The following PRR16 variants were observed in gnomAD, a reference collection of about 807,000 sequenced individuals.
The protein encoded by PRR16 is proline rich 16.
In PRR16, 6 loss-of-function variants were observed where a neutral mutation model predicts 18.2. That is an observed-to-expected ratio of 0.33 (90% CI 0.18 to 0.65). PRR16 has a LOEUF of 0.65. Among genes scored for constraint, PRR16 ranks in the 30% least tolerant of loss-of-function variants. PRR16 has a pLI of 0.74. For missense variants in PRR16, 412 were observed against 376.6 expected (o/e 1.09, Z -0.78); for synonymous variants, 151 against 147.8 (o/e 1.02, Z -0.16).
chr5:120,579,221 A>G (rs1753180393), intron 1 of PRR16, among the ~76,000 whole-genome samples: 6 of 152,078 alleles, frequency 3.9e-5, no homozygotes, highest in Admixed American at 3.9e-4. Context: ...CTCTGATGAT[A>G]GTTTCTTTTG....
At chr5:120,744,995 A>C in the PRR16 span, among the ~76,000 whole-genome samples, 1 of 152,164 alleles carries the variant, frequency 6.6e-6, no homozygotes, top group African/African-American at 2.4e-5. Context: ...AACACCTATG[A>C]ATTTGGTGCA....
chr5:120,698,585 G>A, the PRR16 span, among the ~76,000 whole-genome samples: 1 of 150,792 alleles, frequency 6.6e-6, no homozygotes, highest in Admixed American at 6.6e-5. Context: ...AAGATAGTAG[G>A]GATGACAAGT....
intron 1 of PRR16, among the ~76,000 whole-genome samples, chr5:120,642,322 A>C (rs1336974457): frequency 6.6e-6 from 1 of 151,992 alleles, no homozygotes; most frequent in Non-Finnish European, 1.5e-5. Context: ...AACCTCATTC[A>C]AAAGATATTT....
chr5:120,702,851 G>A, the PRR16 span, among the ~76,000 whole-genome samples: 2 of 152,180 alleles, frequency 1.3e-5, no homozygotes, highest in African/African-American at 4.8e-5. Context: ...GGGCTGGTCG[G>A]TCTGAGGACC....
At chr5:120,597,158 T>C (rs548753551) in intron 1 of PRR16, among the ~76,000 whole-genome samples, 1 of 151,864 alleles carries the variant, frequency 6.6e-6, no homozygotes, top group South Asian at 2.1e-4. Flanking sequence ...TCTTTTTACA[T>C]TGATTTATAG....
chr5:120,577,928 G>T (rs4895162), intron 1 of PRR16, among the ~76,000 whole-genome samples: 147,808 of 152,272 alleles, frequency 0.97, 71,874 homozygotes, highest in East Asian at 1. Flanking sequence ...TGGGATGTGT[G>T]TAAACTAGCA....
chr5:120,591,729 C>A (rs1027658449), intron 1 of PRR16, among the ~76,000 whole-genome samples: 18 of 151,952 alleles, frequency 1.2e-4, no homozygotes, highest in African/African-American at 3.4e-4. Flanking sequence ...ATATAAGTAG[C>A]CTTCGTTGAT....
intron 1 of PRR16, among the ~76,000 whole-genome samples, chr5:120,473,849 A>G (rs1056401576): frequency 1.3e-5 from 2 of 152,210 alleles, no homozygotes; most frequent in Admixed American, 6.5e-5. Flanking sequence ...ATAGAAGATT[A>G]TAATGGGATG....
At chr5:120,656,479 A>G (rs1755981953) in intron 1 of PRR16, among the ~76,000 whole-genome samples, 1 of 151,692 alleles carries the variant, frequency 6.6e-6, no homozygotes, top group South Asian at 2.1e-4. Context: ...AAAAAAAAAA[A>G]AAAAAAAAAT....
the PRR16 span, among the ~76,000 whole-genome samples, chr5:120,739,327 A>T: frequency 6.6e-6 from 1 of 152,180 alleles, no homozygotes. Flanking sequence ...AGTTGCATGT[A>T]TCTAAACACA....
At chr5:120,562,085 C>T (rs1366175330) in intron 1 of PRR16, among the ~76,000 whole-genome samples, 2 of 152,028 alleles carry the variant, frequency 1.3e-5, no homozygotes, top group Non-Finnish European at 2.9e-5. Flanking sequence ...ATATTGAAGT[C>T]TCCATGTATT....
intron 1 of PRR16, among the ~76,000 whole-genome samples, chr5:120,659,560 C>A (rs943055267): frequency 1.3e-5 from 2 of 151,914 alleles, no homozygotes; most frequent in African/African-American, 4.8e-5. Context: ...AAACATTTAT[C>A]TTTTCTTTAT....
At chr5:120,620,379 A>T (rs79448145) in intron 1 of PRR16, among the ~76,000 whole-genome samples, 10 of 152,126 alleles carry the variant, frequency 6.6e-5, no homozygotes, top group African/African-American at 1.9e-4. Context: ...GTGATTGATG[A>T]CCTGCAGGAA....
the PRR16 span, among the ~76,000 whole-genome samples, chr5:120,696,329 T>A: frequency 1.3e-5 from 2 of 151,980 alleles, no homozygotes; most frequent in Middle Eastern, 3.4e-3. Context: ...TATAAAAAAA[T>A]TAGTAATTAA....
At chr5:120,785,569 G>GTTTTTTTTT in the PRR16 span, among the ~76,000 whole-genome samples, 6 of 99,602 alleles carry the variant, frequency 6.0e-5, no homozygotes, top group Admixed American at 2.0e-4. Context: ...GTGTTTTGTT[G>GTTTTTTTTT]TTGTTGTTTT....
At chr5:120,664,826 T>TG (rs1387277649) in intron 1 of PRR16, among the ~76,000 whole-genome samples, 1 of 143,476 alleles carries the variant, frequency 7.0e-6, no homozygotes, top group East Asian at 1.9e-4. Context: ...GTGGTGTATA[T>TG]GTGCCACATT....
chr5:120,545,004 G>A (rs1752032107), intron 1 of PRR16, among the ~76,000 whole-genome samples: 1 of 152,140 alleles, frequency 6.6e-6, no homozygotes, highest in Non-Finnish European at 1.5e-5. Context: ...GTTTGCTGAT[G>A]ATTTGAGATT....
intron 1 of PRR16, among the ~76,000 whole-genome samples, chr5:120,650,097 A>G (rs932703520): frequency 3.3e-5 from 5 of 151,864 alleles, no homozygotes; most frequent in African/African-American, 7.3e-5. Context: ...GCGCGTCTGT[A>G]GTGGCAGCTA....
the PRR16 span, among the ~76,000 whole-genome samples, chr5:120,775,903 C>T: frequency 2.0e-5 from 3 of 149,522 alleles, no homozygotes; most frequent in African/African-American, 7.4e-5. Context: ...CCACCTTGGT[C>T]TCCCAAAGTG....
Sources: gnomAD v4.1 joint callset for allele counts (sites outside exome capture counted in the v4.1 genomes callset) on GRCh38, gnomAD v4.1.1 for gene constraint, MANE v1.5 for transcripts, NCBI Gene and HGNC (gene_info 2026-07-23, HGNC 2026-07-21) for gene names.